The following PPFIA2 variants were observed in gnomAD, a reference collection of about 807,000 sequenced individuals.
PPFIA2 encodes the protein PPFI scaffold protein A2, also known as liprin-alpha-2.
A neutral mutation model predicts 175.5 loss-of-function variants in PPFIA2; 46 were observed. That is an observed-to-expected ratio of 0.26 (90% CI 0.21 to 0.34). The LOEUF (loss-of-function observed/expected upper bound fraction) is 0.34. Among genes scored for constraint, PPFIA2 ranks in the 10% least tolerant of loss-of-function variants. The pLI is 1.00. For synonymous variants in PPFIA2, 568 were observed against 511.4 expected (o/e 1.11, Z -1.49); for missense variants, 1,179 against 1,506.1 (o/e 0.78, Z 3.60).
chr12:81,669,453 TTATTC>T (rs1261477833), intron 4 of PPFIA2, among the ~76,000 whole-genome samples: 2 of 152,030 alleles, frequency 1.3e-5, no homozygotes, highest in African/African-American at 2.4e-5. Flanking sequence ...TTATAAATCT[TTATTC>T]TATAATAGTG....
chr12:81,394,285 G>A (rs1422823298), intron 8 of PPFIA2, among the ~76,000 whole-genome samples: 1 of 151,768 alleles, frequency 6.6e-6, no homozygotes, highest in Admixed American at 6.6e-5. Context: ...GGATTACTTG[G>A]GCTCTTATAT....
chr12:81,469,770 C>A (rs1791638625), intron 4 of PPFIA2, among the ~76,000 whole-genome samples: 1 of 152,182 alleles, frequency 6.6e-6, no homozygotes, highest in African/African-American at 2.4e-5. Context: ...TATGTTGAAG[C>A]CCTAATCCCC....
chr12:81,274,745 C>T (rs1362204157), intron 28 of PPFIA2, among the ~76,000 whole-genome samples: 1 of 152,206 alleles, frequency 6.6e-6, no homozygotes, highest in Non-Finnish European at 1.5e-5. Context: ...ATTCACACTT[C>T]AGATAATAAG....
intron 4 of PPFIA2, among the ~76,000 whole-genome samples, chr12:81,607,532 C>A (rs1439681709): frequency 6.6e-6 from 1 of 152,028 alleles, no homozygotes; most frequent in Non-Finnish European, 1.5e-5. Context: ...TAGCTGAATT[C>A]CTACATATTT....
intron 4 of PPFIA2, among the ~76,000 whole-genome samples, chr12:81,551,472 A>T (rs115264350): frequency 0.01 from 1,563 of 152,156 alleles, 26 homozygotes; most frequent in African/African-American, 0.033. Flanking sequence ...AATACAAATA[A>T]AAACAAAGTG....
intron 22 of PPFIA2, among the ~76,000 whole-genome samples, chr12:81,317,280 C>A (rs946997367): frequency 6.6e-6 from 1 of 151,446 alleles, no homozygotes; most frequent in Non-Finnish European, 1.5e-5. Flanking sequence ...GTGAGATACA[C>A]AGGGAGCAGA....
intron 10 of PPFIA2, among the ~76,000 whole-genome samples, chr12:81,375,134 G>C (rs756889057): frequency 1.3e-5 from 2 of 152,140 alleles, no homozygotes; most frequent in Non-Finnish European, 2.9e-5. Context: ...AATGTAGCAT[G>C]ATGATCCAGG....
At chr12:81,752,903 C>T (rs2084041229) in intron 3 of PPFIA2, among the ~76,000 whole-genome samples, 1 of 150,806 alleles carries the variant, frequency 6.6e-6, no homozygotes. Context: ...TTTTATGTTT[C>T]TTCTCATACC....
chr12:81,290,171 C>T (rs899405279), intron 24 of PPFIA2, among the ~76,000 whole-genome samples: 1 of 151,496 alleles, frequency 6.6e-6, no homozygotes, highest in Non-Finnish European at 1.5e-5. Context: ...GGCTGAGGAA[C>T]CCAAGCCCAA....
chr12:81,568,838 G>T (rs1193182669), intron 4 of PPFIA2, among the ~76,000 whole-genome samples: 1 of 151,894 alleles, frequency 6.6e-6, no homozygotes, highest in African/African-American at 2.4e-5. Flanking sequence ...CAGTGTCAGA[G>T]GTCAAAAACT....
At chr12:81,331,837 T>A (rs938817303) in intron 21 of PPFIA2, among the ~76,000 whole-genome samples, 60 of 152,160 alleles carry the variant, frequency 3.9e-4, no homozygotes, top group African/African-American at 1.4e-3. Flanking sequence ...TTGCTATGCC[T>A]GTCAGTAGCC....
chr12:81,582,731 T>C (rs908808042), intron 4 of PPFIA2, among the ~76,000 whole-genome samples: 6 of 151,178 alleles, frequency 4.0e-5, no homozygotes, highest in African/African-American at 1.5e-4. Flanking sequence ...TTTTACAAGG[T>C]AAAAAAAAAT....
At chr12:81,589,078 T>C (rs1039808562) in intron 4 of PPFIA2, among the ~76,000 whole-genome samples, 1 of 152,156 alleles carries the variant, frequency 6.6e-6, no homozygotes, top group African/African-American at 2.4e-5. Flanking sequence ...TAAAACATTC[T>C]TCTTCTTAAT....
At chr12:81,487,602 T>C (rs990612030) in intron 4 of PPFIA2, among the ~76,000 whole-genome samples, 4 of 151,780 alleles carry the variant, frequency 2.6e-5, no homozygotes, top group Admixed American at 6.6e-5. Flanking sequence ...TGCCAATCTA[T>C]AGGTACCGAT....
chr12:81,757,029 A>G (rs1317173623), intron 2 of PPFIA2, among the ~76,000 whole-genome samples: 1 of 152,192 alleles, frequency 6.6e-6, no homozygotes, highest in Non-Finnish European at 1.5e-5. Context: ...CACTTTCATG[A>G]ACTAGCTTAG....
intron 7 of PPFIA2, among the ~76,000 whole-genome samples, chr12:81,415,532 T>C (rs1333548270): frequency 6.7e-6 from 1 of 149,956 alleles, no homozygotes; most frequent in African/African-American, 2.4e-5. Flanking sequence ...CTAGTCTTTC[T>C]TGTATCTAAA....
chr12:81,272,043 T>C (rs2039268787), intron 28 of PPFIA2, among the ~76,000 whole-genome samples: 1 of 152,184 alleles, frequency 6.6e-6, no homozygotes, highest in Non-Finnish European at 1.5e-5. Flanking sequence ...AGGTAATAAT[T>C]CCATTTTCCT....
At chr12:81,700,627 G>T (rs1345226176) in intron 3 of PPFIA2, among the ~76,000 whole-genome samples, 1 of 151,960 alleles carries the variant, frequency 6.6e-6, no homozygotes. Flanking sequence ...TTCCACTTCT[G>T]GCATTGTGCA....
chr12:81,342,258 G>A (rs1285134558), intron 19 of PPFIA2, among the ~76,000 whole-genome samples: 1 of 152,050 alleles, frequency 6.6e-6, no homozygotes, highest in Non-Finnish European at 1.5e-5. Flanking sequence ...CAACAATGCT[G>A]CATATTTTTC....
Sources: allele counts gnomAD v4.1 joint callset (sites outside exome capture counted in the v4.1 genomes callset), GRCh38; gene constraint gnomAD v4.1.1; transcripts MANE v1.5; gene names NCBI Gene and HGNC (gene_info 2026-07-23, HGNC 2026-07-21).